The following STAM2 variants were observed in gnomAD, a reference collection of about 807,000 sequenced individuals.
The protein encoded by STAM2 is signal transducing adaptor molecule 2, also known as signal transducing adapter molecule 2.
In STAM2, 51 loss-of-function variants were observed where a neutral mutation model predicts 65.6. The ratio of observed to expected loss-of-function variants is 0.78; its 90% CI spans 0.62 to 0.98. The LOEUF is 0.98. STAM2 is among the 50% of genes least tolerant of loss of function. STAM2 has a pLI of 0.00. For synonymous variants in STAM2, 198 were observed against 208.4 expected (o/e 0.95, Z 0.43); for missense variants, 584 against 617.8 (o/e 0.95, Z 0.58).
At chr2:152,159,622 G>A (rs552471543) in intron 1 of STAM2, among the ~76,000 whole-genome samples, 12 of 152,210 alleles carry the variant, frequency 7.9e-5, no homozygotes, top group African/African-American at 2.9e-4. Flanking sequence ...CCTCCCGCAT[G>A]GAGAGCTCAC....
At chr2:152,159,021 A>G (rs1452330390) in intron 1 of STAM2, among the ~76,000 whole-genome samples, 1 of 149,184 alleles carries the variant, frequency 6.7e-6, no homozygotes, top group African/African-American at 2.5e-5. Context: ...TAATAGGAGG[A>G]AAAAAAACCT....
intron 1 of STAM2, among the ~76,000 whole-genome samples, chr2:152,153,885 TACACACACACAC>T (rs70974824): frequency 2.1e-5 from 3 of 144,854 alleles, no homozygotes; most frequent in South Asian, 2.2e-4. Flanking sequence ...AGACATTACA[TACACACACACAC>T]ACACACACAC....
intron 1 of STAM2, among the ~76,000 whole-genome samples, chr2:152,162,943 AGCCACTGT>A (rs1292007155): frequency 6.6e-6 from 1 of 152,182 alleles, no homozygotes; most frequent in Non-Finnish European, 1.5e-5. Context: ...TACAGGCATG[AGCCACTGT>A]GCCTGGTCCA....
At chr2:152,145,466 G>C (rs888077055) in intron 5 of STAM2, among the ~76,000 whole-genome samples, 2 of 152,224 alleles carry the variant, frequency 1.3e-5, no homozygotes, top group African/African-American at 2.4e-5. Flanking sequence ...CTCACACAGG[G>C]ATCAAACTGG....
chr2:152,154,015 T>G (rs1036850121), intron 1 of STAM2, among the ~76,000 whole-genome samples: 1 of 152,140 alleles, frequency 6.6e-6, no homozygotes, highest in African/African-American at 2.4e-5. Flanking sequence ...TTGGTTAAGC[T>G]ATGAACAAGA....
At position 152,148,136 on chromosome 2, in the gene STAM2, T is replaced by A; in HGVS notation, c.202-14A>T. ...AGCCCCAAGAAGCTATTAATTGAAA[T>A]AAAAATATATGAATATTGAAATATT... is the stretch of plus-strand genomic sequence containing the variant. On this transcript the variant is annotated splice_polypyrimidine_tract_variant and intron_variant, in intron 3 of 13. Coordinates refer to ENST00000263904, the MANE Select transcript of STAM2 (RefSeq NM_005843.6). 2 of 1,591,712 alleles carry A rather than the reference T, an allele frequency of 1.3e-6. No homozygotes were observed. The highest frequency in any genetic ancestry group is 1.7e-6 in the Non-Finnish European group (2 of 1,169,890).
At position 152,175,703 on chromosome 2, in the gene STAM2, C is replaced by T. The variant is rs1690007840; in HGVS notation, c.-61G>A. The T allele has an allele frequency of 3.2e-6, 5 of 1,561,968 alleles. No homozygotes were observed. Among genetic ancestry groups the T allele is most frequent in the Non-Finnish European group, 4.3e-6 (5 of 1,151,912 alleles). On this transcript the variant is annotated 5_prime_UTR_variant, in exon 1 of 14. Transcript: ENST00000263904. ...GCTGACACTCAGCAACTGCTACCCG[C>T]CGGGTGACCCGCGGCCGCGGCTCCC...
chr2:152,163,635 C>T (rs530190835), intron 1 of STAM2, among the ~76,000 whole-genome samples: 63 of 152,288 alleles, frequency 4.1e-4, no homozygotes, highest in African/African-American at 1.4e-3. Flanking sequence ...CCATATTTTT[C>T]TTCTTGCAGA....
Position 152,147,302 on chromosome 2 carries a change from G to T in STAM2, c.307C>A (p.Pro103Thr). The T allele has an allele frequency of 6.5e-7, 1 of 1,543,634 alleles. No homozygotes were observed. The highest frequency in any genetic ancestry group is 8.7e-7 in the Non-Finnish European group (1 of 1,152,590). Residue 103 changes from proline (P) to threonine (T), a missense_variant, in exon 5 of 14, where the codon CCT (proline) becomes ACT (threonine). Physicochemically the swap from Pro to Thr is conservative, Grantham distance 38. Transcript: ENST00000263904. ...GATTTCAGTTTTTCACATACTTTAGGATGTGCCTTTTAAGGAAAAGGAAAG... is the reference window on the plus strand; with the variant it reads ...GATTTCAGTTTTTCACATACTTTAGTATGTGCCTTTTAAGGAAAAGGAAAG... ...VRAVIKNKAH[P>T]KVCEKLKSLM...
intron 1 of STAM2, among the ~76,000 whole-genome samples, chr2:152,152,316 G>A (rs1579326577): frequency 6.6e-6 from 1 of 151,982 alleles, no homozygotes; most frequent in African/African-American, 2.4e-5. Context: ...TTGGGAGGCC[G>A]AGGTGGGCAG....
At chr2:152,171,358 A>G (rs1689895508) in intron 1 of STAM2, among the ~76,000 whole-genome samples, 1 of 152,020 alleles carries the variant, frequency 6.6e-6, no homozygotes, top group Non-Finnish European at 1.5e-5. Context: ...AATATATTAG[A>G]AAAAAAACTG....
At chr2:152,137,739 T>A (rs928016432) in intron 7 of STAM2, among the ~76,000 whole-genome samples, 2 of 152,114 alleles carry the variant, frequency 1.3e-5, no homozygotes, top group Non-Finnish European at 2.9e-5. Flanking sequence ...TTTTATTTTT[T>A]TTTTCCCTCT....
At chr2:152,160,185 C>T (rs1689636263) in intron 1 of STAM2, among the ~76,000 whole-genome samples, 1 of 152,122 alleles carries the variant, frequency 6.6e-6, no homozygotes, top group Non-Finnish European at 1.5e-5. Flanking sequence ...TCTGCCTGGC[C>T]GCCCATCATC....
At chr2:152,135,727 C>T (rs1689141459) in intron 7 of STAM2, 124 bp from the exon 8 acceptor site, 2 of 618,116 alleles carry the variant, frequency 3.2e-6, no homozygotes, top group Non-Finnish European at 5.6e-6. Flanking sequence ...ATAATTGAGT[C>T]ATTTTTCTTA....
intron 11 of STAM2, among the ~76,000 whole-genome samples, chr2:152,130,807 G>C (rs1689045543): frequency 6.6e-6 from 1 of 151,540 alleles, no homozygotes; most frequent in South Asian, 2.1e-4. Context: ...GATCAGCCTG[G>C]CTAATATGGT....
In STAM2 at chr2:152,134,788, T is replaced by G. The variant is rs557094366; in HGVS notation, c.799+721A>C. Among the ~76,000 whole-genome samples the G allele has an allele frequency of 1.2e-3, 186 of 152,282 alleles. 1 individual carries two copies. Among genetic ancestry groups the G allele is most frequent in the Admixed American group, 2.9e-3 (44 of 15,280 alleles). On this transcript the variant is annotated intron_variant, in intron 8 of 13. Coordinates refer to ENST00000263904, the MANE Select transcript of STAM2 (RefSeq NM_005843.6). ...ACTTAGCACAATGCCTGACAAATAA[T>G]GAATGCTCAAAAACCAGTAACTATT...
At chr2:152,165,607 C>T (rs1221269125) in intron 1 of STAM2, among the ~76,000 whole-genome samples, 1 of 152,104 alleles carries the variant, frequency 6.6e-6, no homozygotes, top group Non-Finnish European at 1.5e-5. Flanking sequence ...GCGCGGGATA[C>T]ACATCACCAA....
chr2:152,139,530 G>A (rs991815375), intron 7 of STAM2, among the ~76,000 whole-genome samples: 5 of 152,098 alleles, frequency 3.3e-5, no homozygotes, highest in Admixed American at 3.3e-4. Context: ...AATAACCACT[G>A]CACTCCAGCC....
intron 1 of STAM2, among the ~76,000 whole-genome samples, chr2:152,158,379 G>A (rs543955852): frequency 6.9e-4 from 105 of 152,236 alleles, no homozygotes; most frequent in African/African-American, 2.4e-3. Context: ...AGGAGGCTGA[G>A]GCAGGAGAAT....
Sources: allele counts gnomAD v4.1 joint callset (sites outside exome capture counted in the v4.1 genomes callset), GRCh38; gene constraint gnomAD v4.1.1; transcripts MANE v1.5; gene names NCBI Gene and HGNC (gene_info 2026-07-23, HGNC 2026-07-21).